Variants in TRPC5 observed in about 807,000 individuals in gnomAD.
TRPC5 encodes transient receptor potential cation channel subfamily C member 5, also known as short transient receptor potential channel 5.
Under a neutral mutation model 56.5 loss-of-function variants are expected in TRPC5, and 9 were observed. That is an observed-to-expected ratio of 0.16 (90% CI 0.10 to 0.28). The LOEUF (loss-of-function observed/expected upper bound fraction) is 0.28. Ranked by LOEUF, TRPC5 falls within the 10% of genes least tolerant of loss-of-function variation. TRPC5 has a pLI of 1.00. For synonymous variants in TRPC5, 282 were observed against 278.5 expected, an observed-to-expected ratio of 1.01 and a Z score of -0.13; for missense variants, 469 against 748.9, an observed-to-expected ratio of 0.63 and a Z score of 4.36.
intron 1 of TRPC5, among the ~76,000 whole-genome samples, chrX:112,074,690 T>C (rs987101132): frequency 2.7e-5 from 3 of 111,566 alleles, no homozygotes; most frequent in Non-Finnish European, 5.6e-5. Context: ...TTTCACTTCA[T>C]GTTTGCTCCC....
At chrX:111,937,171 G>A (rs1158818852) in intron 2 of TRPC5, among the ~76,000 whole-genome samples, 4 of 105,970 alleles carry the variant, frequency 3.8e-5, no homozygotes, top group Admixed American at 9.9e-5. Context: ...CATGTCCTTC[G>A]CCCACTTTTT....
chrX:112,053,956 T>C (rs1161913296), intron 1 of TRPC5, among the ~76,000 whole-genome samples: 2 of 112,281 alleles, frequency 1.8e-5, no homozygotes, highest in East Asian at 5.6e-4. Context: ...TTGTACAAAT[T>C]ATAGCTTTAC....
intron 7 of TRPC5, among the ~76,000 whole-genome samples, chrX:111,818,893 C>T (rs925012446): frequency 9.0e-6 from 1 of 111,668 alleles, no homozygotes; most frequent in Non-Finnish European, 1.9e-5. Flanking sequence ...CGTGAGCCAC[C>T]GTGCCCGGCT....
At chrX:112,039,541 G>T (rs908891471) in intron 1 of TRPC5, among the ~76,000 whole-genome samples, 1 of 112,325 alleles carries the variant, frequency 8.9e-6, no homozygotes, top group Non-Finnish European at 1.9e-5. Context: ...TAACTCAGCA[G>T]ATGCTCTCTG....
Position 111,854,530 on chromosome X carries a change from C to T in TRPC5, c.901-424G>A, listed in dbSNP as rs1244516206. Among the ~76,000 whole-genome samples, 17 of 111,096 alleles carry T rather than the reference C, an allele frequency of 1.5e-4. No homozygotes were observed. The Admixed American group carries it at 1.6e-3, about 11-fold the overall frequency. Reference sequence around the variant, plus strand: ...GTGTGGATGGAGGAGAGAGTAGAGCCTGGGTAGCTGTTTTACAAACTCTCC... The same window carrying T: ...GTGTGGATGGAGGAGAGAGTAGAGCTTGGGTAGCTGTTTTACAAACTCTCC... On this transcript the variant is annotated intron_variant, in intron 3 of 10. Transcript: ENST00000262839.
Position 111,952,400 on chromosome X carries a change from T to C in TRPC5, c.21A>G (p.Lys7=). 2 of 1,205,610 alleles carry C rather than the reference T, an allele frequency of 1.7e-6. No individual in the cohort carries two copies. The highest frequency in any genetic ancestry group is 2.2e-6 in the Non-Finnish European group (2 of 892,536). The change falls in exon 2 of 11, where the codon AAA becomes AAG. Residue 7 remains lysine, a synonymous_variant. Transcript: ENST00000262839. The part of the protein sequence containing the change: MAQLYY[K]KVNYSPYRDR... ...CTCTGTACGGTGAGTAGTTGACCTT[T>C]TTGTAGTACAGTTGGGCCATGGTTC...
intron 3 of TRPC5, among the ~76,000 whole-genome samples, chrX:111,907,144 A>G (rs1033602891): frequency 2.0e-4 from 22 of 107,608 alleles, no homozygotes; most frequent in African/African-American, 7.5e-4. Flanking sequence ...TGTCCTTTCC[A>G]TCTTGGTTTG....
At chrX:112,037,151 G>T (rs1257947152) in intron 1 of TRPC5, among the ~76,000 whole-genome samples, 1 of 111,488 alleles carries the variant, frequency 9.0e-6, no homozygotes, top group Non-Finnish European at 1.9e-5. Flanking sequence ...AACATTGCTT[G>T]TTCAGTGAAA....
chrX:112,035,051 A>T, intron 1 of TRPC5, among the ~76,000 whole-genome samples: 1 of 105,002 alleles, frequency 9.5e-6, no homozygotes. Context: ...TAAGATGTAA[A>T]GTGACGCTGT....
intron 5 of TRPC5, among the ~76,000 whole-genome samples, chrX:111,850,702 G>T (rs73639659): frequency 0.013 from 1,499 of 112,184 alleles, 23 homozygotes; most frequent in African/African-American, 0.046. Flanking sequence ...CAGCTTAATA[G>T]AGCAGATTTA....
chrX:111,841,233 A>G (rs748596991), intron 6 of TRPC5, among the ~76,000 whole-genome samples: 1 of 112,518 alleles, frequency 8.9e-6, no homozygotes, highest in African/African-American at 3.2e-5. Flanking sequence ...AGGAGGTCAC[A>G]GTGGCCTGCT....
chrX:111,967,098 A>G (rs1241547178), intron 1 of TRPC5, among the ~76,000 whole-genome samples: 1 of 111,824 alleles, frequency 8.9e-6, no homozygotes, highest in African/African-American at 3.3e-5. Flanking sequence ...TCAGCCCAAA[A>G]TCTCCTTACA....
chrX:112,066,878 A>G (rs1930596689), intron 1 of TRPC5, among the ~76,000 whole-genome samples: 1 of 112,448 alleles, frequency 8.9e-6, no homozygotes. Flanking sequence ...TTACTTGTTC[A>G]TACATGATCT....
intron 1 of TRPC5, among the ~76,000 whole-genome samples, chrX:111,954,074 A>G (rs1000683699): frequency 8.9e-6 from 1 of 112,460 alleles, no homozygotes; most frequent in African/African-American, 3.2e-5. Flanking sequence ...CTTTCAAGTA[A>G]AGTGAAAGTA....
chrX:111,787,270 C>G (rs942379442), intron 7 of TRPC5, among the ~76,000 whole-genome samples: 1 of 111,821 alleles, frequency 8.9e-6, no homozygotes, highest in Non-Finnish European at 1.9e-5. Flanking sequence ...AACTGCACAA[C>G]TACATGGAAA....
chrX:111,955,940 C>A (rs1218610770), intron 1 of TRPC5, among the ~76,000 whole-genome samples: 1 of 112,283 alleles, frequency 8.9e-6, no homozygotes, highest in African/African-American at 3.2e-5. Flanking sequence ...CCAGTGAACC[C>A]GCTCGCAATG....
rs1945941301 is a variant in TRPC5, at chrX:111,784,133, C to T, written c.1897-1995G>A. Among the ~76,000 whole-genome samples the T allele has an allele frequency of 2.7e-5, 3 of 111,291 alleles. No individual in the cohort carries two copies. The South Asian group carries it at 1.1e-3, about 42-fold the overall frequency. Reference sequence around the variant, plus strand: ...AGTAGAGTTAAACACCTACTTTATACCACGTACAAAACTCAAAATGGATCA... The same window carrying T: ...AGTAGAGTTAAACACCTACTTTATATCACGTACAAAACTCAAAATGGATCA... On this transcript the variant is annotated intron_variant, in intron 7 of 10. Coordinates refer to ENST00000262839, the MANE Select transcript of TRPC5 (RefSeq NM_012471.3).
At chrX:111,875,142 A>G (rs1256221529) in intron 3 of TRPC5, among the ~76,000 whole-genome samples, 2 of 112,229 alleles carry the variant, frequency 1.8e-5, no homozygotes, top group African/African-American at 6.5e-5. Context: ...ATGAGCTACT[A>G]TTCATGAAAG....
At chrX:111,959,152 T>C (rs1331029745) in intron 1 of TRPC5, among the ~76,000 whole-genome samples, 2 of 112,348 alleles carry the variant, frequency 1.8e-5, no homozygotes, top group East Asian at 2.8e-4. Flanking sequence ...GCCAGTATTA[T>C]TGTACTTTTG....
Sources: allele counts gnomAD v4.1 joint callset (sites outside exome capture counted in the v4.1 genomes callset), GRCh38; gene constraint gnomAD v4.1.1; transcripts MANE v1.5; gene names NCBI Gene and HGNC (gene_info 2026-07-23, HGNC 2026-07-21).